The following ZNF608 variants were observed in gnomAD, a reference collection of about 807,000 sequenced individuals.
The protein encoded by ZNF608 is renal carcinoma antigen NY-REN-36.
A neutral mutation model predicts 109.0 loss-of-function variants in ZNF608; 12 were observed. The ratio of observed to expected loss-of-function variants is 0.11; its 90% CI spans 0.07 to 0.18. The LOEUF (loss-of-function observed/expected upper bound fraction) is 0.18, where lower values mean the gene tolerates loss of function less well. ZNF608 is among the 10% of genes least tolerant of loss of function. The probability of loss-of-function intolerance (pLI) is 1.00; values close to 1 mark genes in which losing one functional copy is unlikely to be tolerated. For synonymous variants in ZNF608, 732 were observed against 717.4 expected, an observed-to-expected ratio of 1.02 and a Z score of -0.33; for missense variants, 1,707 against 1,879.3, an observed-to-expected ratio of 0.91 and a Z score of 1.70.
At chr5:124,692,890 A>C (rs1752677567) in intron 3 of ZNF608, among the ~76,000 whole-genome samples, 1 of 152,246 alleles carries the variant, frequency 6.6e-6, no homozygotes, top group African/African-American at 2.4e-5. Flanking sequence ...GGCACAAAGT[A>C]AGTACTCAAC....
intron 3 of ZNF608, among the ~76,000 whole-genome samples, chr5:124,698,507 G>A (rs139683067): frequency 7.9e-4 from 121 of 152,224 alleles, no homozygotes; most frequent in African/African-American, 2.7e-3. Context: ...AGAAGGCTGG[G>A]GCTGCCAACA....
In ZNF608 at chr5:124,652,429, C is replaced by G. The variant is rs76096598; in HGVS notation, c.1163-2732G>C. 6.7e-3 allele frequency among the ~76,000 whole-genome samples: 1,014 copies of G among 152,332 alleles called. 4 individuals are homozygous for G. Among genetic ancestry groups the G allele is most frequent in the Non-Finnish European group, 0.011 (760 of 68,016 alleles). ...CAAGGAGATTTTGAACAGTCTCCAT[C>G]AAGCAGTGCTAATTAAATATGTGTG... On this transcript the variant is annotated intron_variant, in intron 3 of 9. Coordinates refer to ENST00000513986, the MANE Select transcript of ZNF608 (RefSeq NM_020747.3).
intron 2 of ZNF608, among the ~76,000 whole-genome samples, chr5:124,701,952 G>A (rs546042068): frequency 1.8e-4 from 27 of 152,198 alleles, no homozygotes; most frequent in Admixed American, 8.5e-4. Context: ...AAATTCTTCC[G>A]TGGTTAAACT....
In ZNF608 at chr5:124,674,280, C is replaced by CA. The variant is rs1175219589; in HGVS notation, c.1163-24584dup. ...GAGCCCATAATTGAGTGCAGTGGTT[C>CA]AAAAACCGCTGCACATTGGAATCAA... On this transcript the variant is annotated intron_variant, in intron 3 of 9. Coordinates refer to ENST00000513986, the MANE Select transcript of ZNF608 (RefSeq NM_020747.3). Among the ~76,000 whole-genome samples, 18 of 152,254 alleles carry CA rather than the reference C, an allele frequency of 1.2e-4. No homozygotes were observed. In the East Asian group the frequency reaches 3.5e-3, roughly 29 times the overall value.
intron 3 of ZNF608, among the ~76,000 whole-genome samples, chr5:124,681,322 T>C (rs1752187846): frequency 6.6e-6 from 1 of 151,982 alleles, no homozygotes; most frequent in Non-Finnish European, 1.5e-5. Flanking sequence ...CTGGGCGTGA[T>C]GGTGGGAGCC....
At chr5:124,664,243 A>C (rs1751388553) in intron 3 of ZNF608, among the ~76,000 whole-genome samples, 1 of 152,176 alleles carries the variant, frequency 6.6e-6, no homozygotes, top group Admixed American at 6.5e-5. Context: ...ACACACTACA[A>C]ATTTTAAGTC....
intron 3 of ZNF608, among the ~76,000 whole-genome samples, chr5:124,674,239 T>C (rs1159450222): frequency 6.6e-6 from 1 of 151,476 alleles, no homozygotes; most frequent in African/African-American, 2.4e-5. Flanking sequence ...TATCTGTGTC[T>C]GGTACTATGT....
Position 124,646,976 on chromosome 5 carries a change from T to C in ZNF608, c.3408A>G (p.Lys1136=), listed in dbSNP as rs1750538440. 6.2e-7 allele frequency: 1 copy of C among 1,613,996 alleles called. No individual in the cohort carries two copies. Among genetic ancestry groups the C allele is most frequent in the African/African-American group, 1.3e-5 (1 of 74,908 alleles). Residue 1136 remains lysine, a synonymous_variant, in exon 5 of 10, where the codon AAA becomes AAG. Transcript: ENST00000513986. ...DCERKSELPL[K]ELGKEETKQK... ...GTTTAGTTTCCTCCTTGCCCAGCTCTTTCAAGGGGAGCTCACTTTTCCTTT... is the reference window on the plus strand; with the variant it reads ...GTTTAGTTTCCTCCTTGCCCAGCTCCTTCAAGGGGAGCTCACTTTTCCTTT...
At chr5:124,678,084 A>C (rs1046437536) in intron 3 of ZNF608, among the ~76,000 whole-genome samples, 7 of 152,194 alleles carry the variant, frequency 4.6e-5, no homozygotes. Context: ...TGGTGACTAG[A>C]AGTTTGTTCA....
chr5:124,727,635 AAAAAAAAAAATCAGACC>A (rs998741468), intron 2 of ZNF608, among the ~76,000 whole-genome samples: 54 of 141,966 alleles, frequency 3.8e-4, no homozygotes, highest in Non-Finnish European at 6.7e-4. Context: ...AAAGTCCCTT[AAAAAAAAAAATCAGACC>A]AAAAAAAAAA....
chr5:124,641,525 T>C, intron 7 of ZNF608, 120 bp from the exon 8 acceptor site: 5 of 1,098,956 alleles, frequency 4.5e-6, no homozygotes, highest in Non-Finnish European at 6.2e-6. Flanking sequence ...AATATAAAGA[T>C]ACAATTCTTT....
At chr5:124,666,936 G>T (rs1456214898) in intron 3 of ZNF608, among the ~76,000 whole-genome samples, 2 of 151,988 alleles carry the variant, frequency 1.3e-5, no homozygotes, top group Non-Finnish European at 2.9e-5. Flanking sequence ...AATAAAAATT[G>T]TCATTCCAAA....
intron 8 of ZNF608, among the ~76,000 whole-genome samples, chr5:124,640,218 T>C (rs1361599130): frequency 6.6e-6 from 1 of 152,238 alleles, no homozygotes; most frequent in Non-Finnish European, 1.5e-5. Context: ...AGAGGCAACT[T>C]GGCAAGTGCA....
At chr5:124,675,233 A>G (rs563093857) in intron 3 of ZNF608, among the ~76,000 whole-genome samples, 1 of 152,362 alleles carries the variant, frequency 6.6e-6, no homozygotes, top group East Asian at 1.9e-4. Flanking sequence ...GAAGAAAACT[A>G]AAAATGTTAT....
chr5:124,687,388 A>G (rs1488151228), intron 3 of ZNF608, among the ~76,000 whole-genome samples: 1 of 152,230 alleles, frequency 6.6e-6, no homozygotes. Flanking sequence ...CACATAAAGG[A>G]AACAGCCACA....
chr5:124,654,334 T>C (rs567064582), intron 3 of ZNF608, among the ~76,000 whole-genome samples: 1 of 152,290 alleles, frequency 6.6e-6, no homozygotes, highest in East Asian at 1.9e-4. Flanking sequence ...ATGTCTTCTT[T>C]ACTCTCCAGC....
chr5:124,664,004 A>G (rs1751379870), intron 3 of ZNF608, among the ~76,000 whole-genome samples: 1 of 152,236 alleles, frequency 6.6e-6, no homozygotes, highest in African/African-American at 2.4e-5. Flanking sequence ...ATTTTTAACA[A>G]ATCCTTAATT....
In ZNF608 at chr5:124,727,396, A is replaced by G. The variant is rs1748659521; in HGVS notation, c.906+16688T>C. On this transcript the variant is annotated intron_variant, in intron 2 of 9. Transcript: ENST00000513986. ...GACCTTGTATAGCTGCCCTCACAGT[A>G]TCTTTGTCAGTTTATGCATACTACT... 2.0e-5 allele frequency among the ~76,000 whole-genome samples: 3 copies of G among 152,204 alleles called. No homozygotes were observed. The South Asian group carries it at 6.2e-4, about 31-fold the overall frequency.
At chr5:124,730,603 G>A (rs921715300) in intron 2 of ZNF608, among the ~76,000 whole-genome samples, 1 of 152,192 alleles carries the variant, frequency 6.6e-6, no homozygotes, top group Non-Finnish European at 1.5e-5. Flanking sequence ...TTTAATGTGA[G>A]CTAAGATAGA....
Sources: allele counts gnomAD v4.1 joint callset (sites outside exome capture counted in the v4.1 genomes callset), GRCh38; gene constraint gnomAD v4.1.1; transcripts MANE v1.5; gene names NCBI Gene and HGNC (gene_info 2026-07-23, HGNC 2026-07-21).